DLC1: variants seen among roughly 807,000 people sequenced by gnomAD.
DLC1 encodes DLC1 Rho GTPase activating protein.
A neutral mutation model predicts 140.3 loss-of-function variants in DLC1; 54 were observed. The observed-to-expected ratio is 0.38, with a 90% CI of 0.31 to 0.48. The LOEUF is 0.48. Ranked by LOEUF, DLC1 falls within the 20% of genes least tolerant of loss-of-function variation. DLC1 has a pLI of 0.96. For synonymous variants in DLC1, 986 were observed against 728.1 expected (o/e 1.35, Z -5.70); for missense variants, 2,536 against 1,907.0 (o/e 1.33, Z -6.14).
intron 4 of DLC1, among the ~76,000 whole-genome samples, chr8:13,312,735 C>T (rs6985638): frequency 0.054 from 8,180 of 152,024 alleles, 273 homozygotes; most frequent in South Asian, 0.12. Context: ...TTTGCAAATT[C>T]TTCAGAATTA....
chr8:13,392,605 G>T (rs1836811829), intron 4 of DLC1, among the ~76,000 whole-genome samples: 2 of 152,090 alleles, frequency 1.3e-5, no homozygotes, highest in Non-Finnish European at 2.9e-5. Flanking sequence ...ACAACACTAT[G>T]ATTTTCACTA....
intron 1 of DLC1, among the ~76,000 whole-genome samples, chr8:13,555,937 C>G (rs1018778050): frequency 6.6e-6 from 1 of 152,024 alleles, no homozygotes; most frequent in African/African-American, 2.4e-5. Context: ...TTTTGTAATA[C>G]TAACAGCACT....
At chr8:13,258,353 T>G (rs35889186) in intron 5 of DLC1, among the ~76,000 whole-genome samples, 19,736 of 152,234 alleles carry the variant, frequency 0.13, 1,346 homozygotes, top group South Asian at 0.24. Flanking sequence ...AGTAATCATA[T>G]TTTTACTATT....
chr8:13,193,529 A>G (rs1240453274), intron 5 of DLC1, among the ~76,000 whole-genome samples: 3 of 152,140 alleles, frequency 2.0e-5, no homozygotes. Flanking sequence ...ACTCCCTCCC[A>G]CCATTTCCTA....
At chr8:13,135,529 T>C (rs1303702937) in intron 5 of DLC1, among the ~76,000 whole-genome samples, 3 of 152,110 alleles carry the variant, frequency 2.0e-5, no homozygotes, top group African/African-American at 4.8e-5. Context: ...GATTTGCATT[T>C]TGAAAAGATC....
intron 5 of DLC1, among the ~76,000 whole-genome samples, chr8:13,138,172 G>C (rs999486197): frequency 1.3e-5 from 2 of 152,134 alleles, no homozygotes; most frequent in Non-Finnish European, 2.9e-5. Context: ...ACTTAGGCAG[G>C]CAATGATAGT....
At chr8:13,311,237 A>G (rs1281616807) in intron 4 of DLC1, among the ~76,000 whole-genome samples, 4 of 152,186 alleles carry the variant, frequency 2.6e-5, no homozygotes, top group African/African-American at 9.7e-5. Context: ...CCATTACTAC[A>G]GGGCTTTTTG....
chr8:13,223,329 C>G (rs1032912512), intron 5 of DLC1, among the ~76,000 whole-genome samples: 1 of 152,124 alleles, frequency 6.6e-6, no homozygotes, highest in African/African-American at 2.4e-5. Context: ...TCTCGTGCAG[C>G]CTCTTCGCAC....
intron 2 of DLC1, among the ~76,000 whole-genome samples, chr8:13,416,538 C>T (rs553758001): frequency 2.6e-5 from 4 of 152,232 alleles, no homozygotes; most frequent in Admixed American, 2.0e-4. Context: ...GAAGTGGAAG[C>T]AGAGAGATTC....
chr8:13,567,442 CATCTTGG>C (rs1341548304), intron 1 of DLC1: 22 of 1,551,946 alleles, frequency 1.4e-5, no homozygotes, highest in Non-Finnish European at 1.8e-5. Context: ...TAAAAAGCTG[CATCTTGG>C]ATTGGATGTA....
chr8:13,450,081 A>G (rs1043517791), intron 2 of DLC1, among the ~76,000 whole-genome samples: 1 of 152,162 alleles, frequency 6.6e-6, no homozygotes, highest in African/African-American at 2.4e-5. Flanking sequence ...TCATTTTACT[A>G]AAATAAATCA....
At chr8:13,243,142 T>G (rs921329413) in intron 5 of DLC1, among the ~76,000 whole-genome samples, 13 of 151,682 alleles carry the variant, frequency 8.6e-5, no homozygotes, top group African/African-American at 3.2e-4. Context: ...ATACAAAAAT[T>G]AGCCAAGCAT....
intron 5 of DLC1, among the ~76,000 whole-genome samples, chr8:13,123,256 C>G (rs185375687): frequency 1.2e-4 from 19 of 152,272 alleles, no homozygotes; most frequent in African/African-American, 4.3e-4. Flanking sequence ...TGGCCCCTGT[C>G]AGGACCCTGC....
At chr8:13,482,220 A>C (rs1157021430) in intron 2 of DLC1, among the ~76,000 whole-genome samples, 9 of 152,222 alleles carry the variant, frequency 5.9e-5, no homozygotes, top group Non-Finnish European at 1.2e-4. Flanking sequence ...GGACATTATA[A>C]ATTTGAAGTA....
chr8:13,406,346 C>G (rs557366253), intron 2 of DLC1, among the ~76,000 whole-genome samples: 2 of 151,976 alleles, frequency 1.3e-5, no homozygotes, highest in African/African-American at 4.8e-5. Context: ...TTTTATTTAG[C>G]AATCATTTAA....
At chr8:13,358,218 G>A (rs73203990) in intron 4 of DLC1, among the ~76,000 whole-genome samples, 11,206 of 152,248 alleles carry the variant, frequency 0.074, 539 homozygotes, top group Middle Eastern at 0.11. Flanking sequence ...TTATATCAGA[G>A]CAAGCTTCTT....
At chr8:13,214,384 G>C (rs1828091742) in intron 5 of DLC1, 1 of 398,208 alleles carries the variant, frequency 2.5e-6, no homozygotes, top group Non-Finnish European at 4.4e-6. Flanking sequence ...CTGTTGACAG[G>C]CTTTGGAGCC....
chr8:13,408,231 AT>A (rs1837647216), intron 2 of DLC1, among the ~76,000 whole-genome samples: 1 of 152,210 alleles, frequency 6.6e-6, no homozygotes, highest in Non-Finnish European at 1.5e-5. Flanking sequence ...TATTAATAAT[AT>A]GTGCCACTAT....
chr8:13,309,177 G>A (rs1344418890), intron 4 of DLC1, among the ~76,000 whole-genome samples: 1 of 152,022 alleles, frequency 6.6e-6, no homozygotes, highest in Non-Finnish European at 1.5e-5. Flanking sequence ...AACATTTCTT[G>A]CAATAAAGCA....
Sources: allele counts gnomAD v4.1 joint callset (sites outside exome capture counted in the v4.1 genomes callset), GRCh38; gene constraint gnomAD v4.1.1; transcripts MANE v1.5; gene names NCBI Gene and HGNC (gene_info 2026-07-23, HGNC 2026-07-21).